GLIS1: variants seen among roughly 807,000 people sequenced by gnomAD.
The protein encoded by GLIS1 is GLIS family zinc finger 1.
Under a neutral mutation model 63.8 loss-of-function variants are expected in GLIS1, and 24 were observed. That is an observed-to-expected ratio of 0.38 (90% CI 0.27 to 0.53). The LOEUF (loss-of-function observed/expected upper bound fraction) is 0.53, where lower values mean the gene tolerates loss of function less well. GLIS1 is among the 20% of genes least tolerant of loss of function. GLIS1 has a pLI of 0.85. For synonymous variants in GLIS1, 450 were observed against 482.5 expected, an observed-to-expected ratio of 0.93 and a Z score of 0.88; for missense variants, 1,036 against 1,074.1, an observed-to-expected ratio of 0.96 and a Z score of 0.50.
intron 2 of GLIS1, among the ~76,000 whole-genome samples, chr1:53,712,171 T>C (rs1005420638): frequency 3.3e-5 from 5 of 152,214 alleles, no homozygotes; most frequent in Admixed American, 3.3e-4. Flanking sequence ...ATACCAGCTC[T>C]TTCCCTTCTA....
At chr1:53,696,469 A>T (rs1333364466) in intron 2 of GLIS1, among the ~76,000 whole-genome samples, 1 of 152,236 alleles carries the variant, frequency 6.6e-6, no homozygotes, top group African/African-American at 2.4e-5. Context: ...ACCCAGACCC[A>T]TCTGAAAGAT....
chr1:53,597,702 T>A (rs2100542727), intron 3 of GLIS1, among the ~76,000 whole-genome samples: 1 of 152,128 alleles, frequency 6.6e-6, no homozygotes, highest in Middle Eastern at 3.4e-3. Context: ...AGGTGCGGCA[T>A]AGGGGCTGGG....
chr1:53,602,867 T>C (rs901204096), intron 2 of GLIS1, among the ~76,000 whole-genome samples: 1 of 152,206 alleles, frequency 6.6e-6, no homozygotes, highest in African/African-American at 2.4e-5. Flanking sequence ...GAGGGTCATG[T>C]TGGAGAGCCT....
chr1:53,558,380 G>A (rs969196107), intron 4 of GLIS1, among the ~76,000 whole-genome samples: 5 of 152,204 alleles, frequency 3.3e-5, no homozygotes, highest in African/African-American at 1.2e-4. Flanking sequence ...GGATCTCTAA[G>A]ATAAGGCCCC....
intron 2 of GLIS1, among the ~76,000 whole-genome samples, chr1:53,719,143 C>A (rs1456367540): frequency 2.6e-5 from 4 of 152,238 alleles, no homozygotes; most frequent in Non-Finnish European, 5.9e-5. Context: ...GCCTCTGCCC[C>A]ATCGTTGGCA....
chr1:53,682,334 A>G (rs181978603), intron 2 of GLIS1, among the ~76,000 whole-genome samples: 1 of 152,372 alleles, frequency 6.6e-6, no homozygotes, highest in African/African-American at 2.4e-5. Context: ...GGGGGGATGA[A>G]AGGTGCATCA....
intron 2 of GLIS1, among the ~76,000 whole-genome samples, chr1:53,642,204 G>A (rs954775568): frequency 2.6e-5 from 4 of 152,240 alleles, no homozygotes; most frequent in Admixed American, 2.0e-4. Flanking sequence ...AATAAATCAG[G>A]CTAATGGAGT....
At chr1:53,633,006 G>GCT (rs1320658338) in intron 2 of GLIS1, among the ~76,000 whole-genome samples, 14 of 146,392 alleles carry the variant, frequency 9.6e-5, no homozygotes, top group Middle Eastern at 3.9e-3. Context: ...TGACTGAGGG[G>GCT]TGTGAATGAG....
chr1:53,661,680 C>A (rs1250665416), intron 2 of GLIS1, among the ~76,000 whole-genome samples: 1 of 152,180 alleles, frequency 6.6e-6, no homozygotes, highest in Non-Finnish European at 1.5e-5. Flanking sequence ...CCAGCAGCCA[C>A]CCGAGACTCC....
At chr1:53,726,057 C>T (rs574223967) in intron 2 of GLIS1, among the ~76,000 whole-genome samples, 12 of 152,136 alleles carry the variant, frequency 7.9e-5, no homozygotes, top group Admixed American at 1.3e-4. Context: ...GAAAAATGAA[C>T]GCAAGCATCT....
intron 2 of GLIS1, among the ~76,000 whole-genome samples, chr1:53,605,243 C>CTAG (rs1645358400): frequency 6.6e-6 from 1 of 152,114 alleles, no homozygotes; most frequent in Non-Finnish European, 1.5e-5. Context: ...GCTCTGGGGC[C>CTAG]ACTACAACCT....
At chr1:53,656,071 C>T (rs1645962140) in intron 2 of GLIS1, among the ~76,000 whole-genome samples, 1 of 152,186 alleles carries the variant, frequency 6.6e-6, no homozygotes. Flanking sequence ...TGGGATCTGG[C>T]CAACTGGGGA....
At chr1:53,555,478 C>A (rs936049401) in intron 4 of GLIS1, among the ~76,000 whole-genome samples, 1 of 152,078 alleles carries the variant, frequency 6.6e-6, no homozygotes, top group Non-Finnish European at 1.5e-5. Context: ...TACGGTGAGC[C>A]AAGATCGCGC....
intron 2 of GLIS1, among the ~76,000 whole-genome samples, chr1:53,672,510 G>A (rs1316954469): frequency 1.3e-5 from 2 of 152,218 alleles, no homozygotes; most frequent in African/African-American, 4.8e-5. Context: ...GGCCTAGAGT[G>A]ACTTATTGTG....
intron 2 of GLIS1, among the ~76,000 whole-genome samples, chr1:53,650,155 T>C (rs907931501): frequency 6.6e-6 from 1 of 152,154 alleles, no homozygotes; most frequent in African/African-American, 2.4e-5. Flanking sequence ...GTTAATTATA[T>C]TGAAACAGGG....
chr1:53,719,150 G>C (rs1646728131), intron 2 of GLIS1, among the ~76,000 whole-genome samples: 2 of 152,194 alleles, frequency 1.3e-5, no homozygotes, highest in African/African-American at 4.8e-5. Context: ...CCCCATCGTT[G>C]GCAGAAACAA....
Position 53,594,823 on chromosome 1 carries a change from G to C in GLIS1, c.605C>G (p.Pro202Arg), listed in dbSNP as rs774622629. ...ATGLHPDLDL[P>R]GRSLATPAPS... is the part of the protein sequence containing the mutation. ...CGCAGGGGTGGCGAGGCTTCGGCCCGGGAGGTCCAGGTCTGGGTGCAGGCC... is the reference window on the plus strand; with the variant it reads ...CGCAGGGGTGGCGAGGCTTCGGCCCCGGAGGTCCAGGTCTGGGTGCAGGCC... Residue 202 changes from proline (P) to arginine (R), a missense_variant, in exon 4 of 11, where the codon CCG becomes CGG. This residue lies in a region of GLIS1 where 592 missense variants were observed against 593.9 expected (regional missense o/e 1.00). Transcript: ENST00000628545. The C allele has an allele frequency of 3.7e-6, 6 of 1,605,094 alleles. No individual in the cohort carries two copies. Among genetic ancestry groups the C allele is most frequent in the Non-Finnish European group, 4.2e-6 (5 of 1,177,236 alleles).
chr1:53,599,585 C>A (rs1193281348), intron 3 of GLIS1, among the ~76,000 whole-genome samples: 1 of 152,374 alleles, frequency 6.6e-6, no homozygotes, highest in Non-Finnish European at 1.5e-5. Flanking sequence ...GACAAAGGCA[C>A]AACTGAGACC....
chr1:53,709,789 G>T (rs1243012560), intron 2 of GLIS1, among the ~76,000 whole-genome samples: 2 of 152,190 alleles, frequency 1.3e-5, no homozygotes, highest in African/African-American at 4.8e-5. Context: ...GACAGGCATG[G>T]CACAGGTCTG....
Sources: gnomAD v4.1 joint callset for allele counts (sites outside exome capture counted in the v4.1 genomes callset) on GRCh38, gnomAD v4.1.1 for gene constraint, gnomAD v4.1.1 regional missense constraint, MANE v1.5 for transcripts, NCBI Gene and HGNC (gene_info 2026-07-23, HGNC 2026-07-21) for gene names.